The following TLN2 variants were observed in gnomAD, a reference collection of about 807,000 sequenced individuals.
The protein encoded by TLN2 is talin-2.
A neutral mutation model predicts 294.7 loss-of-function variants in TLN2; 118 were observed. The ratio of observed to expected loss-of-function variants is 0.40; its 90% CI spans 0.34 to 0.47. The LOEUF (loss-of-function observed/expected upper bound fraction) is 0.47, where lower values mean the gene tolerates loss of function less well. Ranked by LOEUF, TLN2 falls within the 20% of genes least tolerant of loss-of-function variation. The probability of loss-of-function intolerance (pLI) is 0.84; values close to 1 mark genes in which losing one functional copy is unlikely to be tolerated. For missense variants in TLN2, 3,083 were observed against 3,282.2 expected (o/e 0.94, Z 1.48); for synonymous variants, 1,431 against 1,304.5 (o/e 1.10, Z -2.09).
At chr15:62,552,484 C>T (rs1461815370) in intron 1 of TLN2, among the ~76,000 whole-genome samples, 3 of 152,168 alleles carry the variant, frequency 2.0e-5, no homozygotes, top group Non-Finnish European at 2.9e-5. Context: ...ACACTCTACC[C>T]TCTTGTTTTA....
chr15:62,502,923 G>C (rs1381605243), intron 1 of TLN2, among the ~76,000 whole-genome samples: 1 of 152,194 alleles, frequency 6.6e-6, no homozygotes, highest in East Asian at 1.9e-4. Flanking sequence ...AGAGCCCAGA[G>C]GTGGGTTGGA....
chr15:62,490,374 G>C (rs1253666118), intron 1 of TLN2, among the ~76,000 whole-genome samples: 1 of 152,126 alleles, frequency 6.6e-6, no homozygotes, highest in East Asian at 1.9e-4. Context: ...ATGTGACTTG[G>C]GATACACGTT....
At chr15:62,798,565 A>AC (rs2065694325) in intron 48 of TLN2, among the ~76,000 whole-genome samples, 1 of 152,192 alleles carries the variant, frequency 6.6e-6, no homozygotes, top group African/African-American at 2.4e-5. Flanking sequence ...CAAAAAAAAA[A>AC]AACCTCTGTT....
chr15:62,655,758 C>G (rs954243399), intron 7 of TLN2, among the ~76,000 whole-genome samples, 186 bp from the exon 8 acceptor site: 3 of 152,132 alleles, frequency 2.0e-5, no homozygotes, highest in African/African-American at 7.2e-5. Context: ...TTGGCTGGTC[C>G]TTTGGTAGAT....
intron 1 of TLN2, among the ~76,000 whole-genome samples, chr15:62,400,356 A>G (rs1195997516): frequency 6.6e-6 from 1 of 152,262 alleles, no homozygotes; most frequent in African/African-American, 2.4e-5. Context: ...ATCTCAGTCA[A>G]GGGACATTTA....
intron 1 of TLN2, among the ~76,000 whole-genome samples, chr15:62,489,671 C>T (rs1595920087): frequency 6.6e-6 from 1 of 152,134 alleles, no homozygotes; most frequent in South Asian, 2.1e-4. Context: ...AAGTGAATCA[C>T]AGTGTATAGA....
chr15:62,430,084 T>C (rs1278851676), intron 1 of TLN2, among the ~76,000 whole-genome samples: 1 of 152,248 alleles, frequency 6.6e-6, no homozygotes, highest in Non-Finnish European at 1.5e-5. Context: ...GGAATGTATA[T>C]ATAAGTGTAC....
At chr15:62,468,135 AAATTT>A (rs1412354032) in intron 1 of TLN2, among the ~76,000 whole-genome samples, 5 of 152,078 alleles carry the variant, frequency 3.3e-5, no homozygotes, top group Non-Finnish European at 1.5e-5. Context: ...ATAAATTTTT[AAATTT>A]AATTTATTAA....
chr15:62,489,963 C>T (rs1263530212), intron 1 of TLN2, among the ~76,000 whole-genome samples: 1 of 152,216 alleles, frequency 6.6e-6, no homozygotes, highest in African/African-American at 2.4e-5. Flanking sequence ...AGTGAAAGAA[C>T]CACCTAGTTA....
intron 1 of TLN2, among the ~76,000 whole-genome samples, chr15:62,533,168 C>T (rs948785623): frequency 1.0e-4 from 15 of 145,530 alleles, no homozygotes; most frequent in African/African-American, 3.0e-4. Flanking sequence ...GCAGGAGAAT[C>T]GCTTGAACCC....
chr15:62,799,942 C>T (rs1015297674), intron 48 of TLN2, among the ~76,000 whole-genome samples: 13 of 147,932 alleles, frequency 8.8e-5, no homozygotes, highest in Non-Finnish European at 1.4e-4. Context: ...AGCAGAGCAC[C>T]TCATAGCCAG....
intron 1 of TLN2, among the ~76,000 whole-genome samples, chr15:62,477,913 CAG>C (rs2037868161): frequency 3.8e-5 from 1 of 26,552 alleles, no homozygotes; most frequent in Non-Finnish European, 8.6e-5. Flanking sequence ...GGGGGGGGTG[CAG>C]CGGGGGCAGA....
At chr15:62,497,660 T>C (rs2039078374) in intron 1 of TLN2, among the ~76,000 whole-genome samples, 1 of 152,246 alleles carries the variant, frequency 6.6e-6, no homozygotes, top group African/African-American at 2.4e-5. Flanking sequence ...AAGGCCTAGT[T>C]GCAATATGAT....
At chr15:62,557,502 A>T (rs1446237223) in intron 1 of TLN2, among the ~76,000 whole-genome samples, 1 of 152,216 alleles carries the variant, frequency 6.6e-6, no homozygotes, top group Non-Finnish European at 1.5e-5. Flanking sequence ...GGCAGAGTTA[A>T]AGCCAAAGGC....
chr15:62,676,358 G>T (rs537853203), intron 11 of TLN2, among the ~76,000 whole-genome samples: 1 of 152,082 alleles, frequency 6.6e-6, no homozygotes, highest in Non-Finnish European at 1.5e-5. Context: ...ATCCAAAATC[G>T]CTGGGGCCTT....
chr15:62,437,533 T>C (rs2035343967), intron 1 of TLN2, among the ~76,000 whole-genome samples: 1 of 152,096 alleles, frequency 6.6e-6, no homozygotes, highest in Non-Finnish European at 1.5e-5. Context: ...ACATGACACC[T>C]GGCTGAAAGG....
intron 32 of TLN2, among the ~76,000 whole-genome samples, chr15:62,746,026 A>AT (rs112088697): frequency 0.015 from 2,320 of 152,284 alleles, 55 homozygotes; most frequent in African/African-American, 0.051. Context: ...TTTGAAAAAA[A>AT]TTTTACATCT....
chr15:62,669,087 A>G (rs2055079818), intron 9 of TLN2, among the ~76,000 whole-genome samples: 1 of 152,234 alleles, frequency 6.6e-6, no homozygotes, highest in Non-Finnish European at 1.5e-5. Context: ...GAAGGAATTT[A>G]AAGACAACCA....
intron 1 of TLN2, among the ~76,000 whole-genome samples, chr15:62,506,618 C>G (rs2039635166): frequency 6.6e-6 from 1 of 152,158 alleles, no homozygotes; most frequent in Non-Finnish European, 1.5e-5. Context: ...TTTTAAATTG[C>G]CAGTGTGTTT....
Sources: gnomAD v4.1 joint callset for allele counts (sites outside exome capture counted in the v4.1 genomes callset) on GRCh38, gnomAD v4.1.1 for gene constraint, MANE v1.5 for transcripts, NCBI Gene and HGNC (gene_info 2026-07-23, HGNC 2026-07-21) for gene names.